IKZF3: variants seen among roughly 807,000 people sequenced by gnomAD.
The protein encoded by IKZF3 is IKAROS family zinc finger 3, also known as zinc finger protein Aiolos.
A neutral mutation model predicts 49.0 loss-of-function variants in IKZF3; 10 were observed. That is an observed-to-expected ratio of 0.20 (90% CI 0.13 to 0.35). The LOEUF is 0.35. Among genes scored for constraint, IKZF3 ranks in the 10% least tolerant of loss-of-function variants. The pLI, the probability that IKZF3 is intolerant of heterozygous loss-of-function variation, is 1.00. For missense variants in IKZF3, 498 were observed against 664.8 expected, an observed-to-expected ratio of 0.75 and a Z score of 2.76; for synonymous variants, 209 against 228.2, an observed-to-expected ratio of 0.92 and a Z score of 0.76.
intron 1 of IKZF3, among the ~76,000 whole-genome samples, chr17:39,846,396 T>G (rs2062632073): frequency 6.6e-6 from 1 of 152,044 alleles, no homozygotes; most frequent in Non-Finnish European, 1.5e-5. Flanking sequence ...GATGATAATT[T>G]CAAATTCGTT....
rs1006756313 is a variant in IKZF3 at position 39,764,799 on chromosome 17, A to G, written c.*991T>C. ...TAAACACACATGCCATCTATCTCCA[A>G]TTCCTCTCCTGTGGGGAGGGGGAGG... On this transcript the variant is annotated 3_prime_UTR_variant, in exon 8 of 8. Transcript: ENST00000346872. 1 of 152,186 alleles carries G rather than the reference A, an allele frequency of 6.6e-6. No individual in the cohort carries two copies. The highest frequency in any genetic ancestry group is 2.1e-4 in the South Asian group (1 of 4,836). The allele number at this position is 152,186 out of a possible 1,614,324, so 9.4% of individuals were successfully genotyped here. A position where few individuals can be genotyped will look rare whatever the true frequency, so the allele number is the denominator to read the frequency against.
intron 1 of IKZF3, among the ~76,000 whole-genome samples, chr17:39,857,820 C>T (rs771946913): frequency 6.3e-4 from 96 of 151,982 alleles, no homozygotes; most frequent in Non-Finnish European, 7.4e-4. Context: ...TACTAGTTAC[C>T]ACCGATTATA....
chr17:39,839,029 C>T (rs2062386536), intron 1 of IKZF3, among the ~76,000 whole-genome samples: 1 of 152,026 alleles, frequency 6.6e-6, no homozygotes, highest in Non-Finnish European at 1.5e-5. Flanking sequence ...CAGAGTCTCA[C>T]TATGTTGCCC....
intron 7 of IKZF3, among the ~76,000 whole-genome samples, chr17:39,776,188 C>T (rs1185172587): frequency 6.6e-6 from 1 of 152,150 alleles, no homozygotes; most frequent in Admixed American, 6.5e-5. Context: ...GTGTTTGAGG[C>T]TGTGATTGCA....
In IKZF3 at chr17:39,832,140, T is replaced by C; in HGVS notation, c.19A>G (p.Asn7Asp). 6.2e-7 allele frequency: 1 copy of C among 1,612,174 alleles called. No individual in the cohort carries two copies. The highest frequency in any genetic ancestry group is 8.5e-7 in the Non-Finnish European group (1 of 1,178,434). Residue 7 changes from asparagine to aspartate, a missense_variant, in exon 2 of 8, where the codon AAT (asparagine) becomes GAT (aspartate). Transcript: ENST00000346872. MEDIQT[N>D]AELKSTQEQS... Reference sequence around the variant, plus strand: ...TCCTGAGTGCTTTTCAGTTCCGCATTTGTTTGTATATCTGAAAAGAAAGAG... The same window carrying C: ...TCCTGAGTGCTTTTCAGTTCCGCATCTGTTTGTATATCTGAAAAGAAAGAG...
chr17:39,766,058 A>G lies in IKZF3; in HGVS notation c.1262T>C (p.Val421Ala). The G allele has an allele frequency of 6.2e-7, 1 of 1,614,006 alleles. No homozygotes were observed. The highest frequency in any genetic ancestry group is 8.5e-7 in the Non-Finnish European group (1 of 1,179,980). The change falls in exon 8 of 8, where the codon GTT (valine) becomes GCT (alanine). Residue 421 changes from valine (V) to alanine (A), a missense_variant. Physicochemically the swap from Val to Ala is moderately conservative, Grantham distance 64. Around this residue, in one of 3 missense-constraint regions of IKZF3, gnomAD observed 317 missense variants for 397.3 expected, o/e 0.80. Coordinates refer to ENST00000346872, the MANE Select transcript of IKZF3 (RefSeq NM_012481.5). ...ARNGMPLLKE[V>A]PRSYELLKPP... The stretch of plus-strand genomic sequence containing the variant: ...CTTGAGGAGTTCGTAAGAGCGGGGA[A>G]CCTCCTTCAGAAGTGGCATCCCATT...
In IKZF3 at chr17:39,813,599, G is replaced by A. The variant is rs150304329; in HGVS notation, c.163+15788C>T. On this transcript the variant is annotated intron_variant, in intron 3 of 7. Transcript: ENST00000346872. ...GTTGGGGCTGCAGTGAGCCGAGATC[G>A]TGCCACTGCACTCCAGCCTGGGTGA... 2.8e-3 allele frequency among the ~76,000 whole-genome samples: 418 copies of A among 151,802 alleles called. 6 individuals carry two copies. Among genetic ancestry groups the A allele is most frequent in the African/African-American group, 9.7e-3 (400 of 41,354 alleles).
chr17:39,854,295 G>A (rs1387393345), intron 1 of IKZF3, among the ~76,000 whole-genome samples: 1 of 151,250 alleles, frequency 6.6e-6, no homozygotes, highest in Non-Finnish European at 1.5e-5. Flanking sequence ...AATGCAGAAG[G>A]ATGCATGCTG....
At chr17:39,798,065 T>TGG (rs2061216914) in intron 3 of IKZF3, among the ~76,000 whole-genome samples, 1 of 152,154 alleles carries the variant, frequency 6.6e-6, no homozygotes, top group African/African-American at 2.4e-5. Flanking sequence ...AATCATTCAG[T>TGG]GGTTCTATCT....
chr17:39,767,496 G>A lies in IKZF3; in HGVS notation c.827-1003C>T, dbSNP rs959667840. On this transcript the variant is annotated intron_variant, in intron 7 of 7. Transcript: ENST00000346872. ...GGAGCCGAGTGCTGGAGGTGAGGCT[G>A]AGGTCACTGTTGAGCCTCTCCATTC... Among the ~76,000 whole-genome samples, 8 of 152,114 alleles carry A rather than the reference G, an allele frequency of 5.3e-5. No homozygotes were observed. The East Asian group carries it at 1.5e-3, about 29-fold the overall frequency.
chr17:39,822,669 G>A (rs1377797298), intron 3 of IKZF3, among the ~76,000 whole-genome samples: 4 of 147,030 alleles, frequency 2.7e-5, no homozygotes, highest in Admixed American at 7.0e-5. Context: ...TGCAAGCTCC[G>A]CCTCCTGGAT....
Position 39,760,827 on chromosome 17 carries a change from T to C in IKZF3, c.*4963A>G, listed in dbSNP as rs2060166351. 1 of 152,266 alleles carries C rather than the reference T, an allele frequency of 6.6e-6. No homozygotes were observed. Among genetic ancestry groups the C allele is most frequent in the Non-Finnish European group, 1.5e-5 (1 of 68,046 alleles). The allele number at this position is 152,266 out of a possible 1,614,324, so 9.4% of individuals were successfully genotyped here. A position where few individuals can be genotyped will look rare whatever the true frequency, so the allele number is the denominator to read the frequency against. On this transcript the variant is annotated 3_prime_UTR_variant, in exon 8 of 8. Coordinates refer to ENST00000346872, the MANE Select transcript of IKZF3 (RefSeq NM_012481.5). ...AGTGTTTCACCTGAGCAAAATTTTG[T>C]GTTTTTAAACATTTCTGTTTGCCAA...
chr17:39,780,336 T>C (rs2060709988), intron 6 of IKZF3, among the ~76,000 whole-genome samples: 1 of 152,018 alleles, frequency 6.6e-6, no homozygotes, highest in South Asian at 2.1e-4. Context: ...CAATACATTA[T>C]AAAGCTCAGT....
In IKZF3 at chr17:39,759,691, C is replaced by T. The variant is rs1299114055; in HGVS notation, c.*6099G>A. ...GTCGTGCTGCCTTGGAGAACAGAGT[C>T]CTTTTCCTGAGGTGGCCCAGGTCCA... On this transcript the variant is annotated 3_prime_UTR_variant, in exon 8 of 8. Transcript: ENST00000346872. 1 of 152,248 alleles carries T rather than the reference C, an allele frequency of 6.6e-6. No homozygotes were observed. The highest frequency in any genetic ancestry group is 1.5e-5 in the Non-Finnish European group (1 of 68,080). 9.4% of individuals were successfully genotyped at this position (152,248 alleles called of 1,614,324 possible). A position where few individuals can be genotyped will look rare whatever the true frequency, so the allele number is the denominator to read the frequency against.
intron 1 of IKZF3, among the ~76,000 whole-genome samples, chr17:39,855,328 G>A (rs191549207): frequency 7.2e-5 from 11 of 152,260 alleles, no homozygotes; most frequent in African/African-American, 2.6e-4. Flanking sequence ...CAAGGTCATC[G>A]TGTAATCATC....
chr17:39,790,453 T>C (rs979182397), intron 5 of IKZF3, among the ~76,000 whole-genome samples: 1 of 152,168 alleles, frequency 6.6e-6, no homozygotes, highest in East Asian at 1.9e-4. Context: ...GTGGGTTTTG[T>C]TGGGGCTGAC....
intron 1 of IKZF3, among the ~76,000 whole-genome samples, chr17:39,849,467 T>C (rs563712390): frequency 1.7e-4 from 26 of 151,972 alleles, no homozygotes; most frequent in African/African-American, 6.3e-4. Context: ...GAGACCAGCC[T>C]GGCCAACATG....
chr17:39,813,104 AAAAT>A (rs142647769), intron 3 of IKZF3, among the ~76,000 whole-genome samples: 127,923 of 143,092 alleles, frequency 0.89, 57,949 homozygotes, highest in East Asian at 0.99. Flanking sequence ...TCCATCTCAA[AAAAT>A]AAATAAATAA....
chr17:39,789,390 C>T (rs2060956204), intron 5 of IKZF3, among the ~76,000 whole-genome samples: 1 of 152,182 alleles, frequency 6.6e-6, no homozygotes, highest in African/African-American at 2.4e-5. Flanking sequence ...TGGTGAAACC[C>T]CATCTCTACT....
Sources: allele counts gnomAD v4.1 joint callset (sites outside exome capture counted in the v4.1 genomes callset), GRCh38; gene constraint gnomAD v4.1.1; regional missense constraint gnomAD v4.1.1; transcripts MANE v1.5; gene names NCBI Gene and HGNC (gene_info 2026-07-23, HGNC 2026-07-21).